The following H2AP variants were observed in gnomAD, a reference collection of about 807,000 sequenced individuals.
H2AP encodes the protein H2A.P histone.
For synonymous variants in H2AP, 36 were observed against 35.2 expected (o/e 1.02, Z -0.08); for missense variants, 108 against 97.4 (o/e 1.11, Z -0.46).
Position 37,991,091 on chromosome X carries a change from T to C in H2AP, c.252T>C (p.Asp84=), listed in dbSNP as rs1477760407. ...NNGSMRNTSQ[D]REREVDNNRE... is the part of the protein sequence containing the mutation. ...GCAGTATGCGCAACACTTCACAAGATAGGGAGAGAGAAGTGGACAACAACC... is the reference window on the plus strand; with the variant it reads ...GCAGTATGCGCAACACTTCACAAGACAGGGAGAGAGAAGTGGACAACAACC... The change falls in exon 1 of 1, where the codon GAT becomes GAC. Residue 84 remains aspartate, a synonymous_variant. Coordinates refer to ENST00000341016, the MANE Select transcript of H2AP (RefSeq NM_012274.2). 5.8e-6 allele frequency: 7 copies of C among 1,210,784 alleles called. No homozygotes were observed. Among genetic ancestry groups the C allele is most frequent in the Non-Finnish European group, 7.8e-6 (7 of 895,253 alleles).
In H2AP at chrX:37,991,220, A is replaced by C. The variant is rs757134936; in HGVS notation, c.*27A>C. 7 of 1,192,609 alleles carry C rather than the reference A, an allele frequency of 5.9e-6. No individual in the cohort carries two copies. The Admixed American group carries it at 1.4e-4, about 23-fold the overall frequency. Reference sequence around the variant, plus strand: ...GACTGGGTCCCAGAGCCTTGAAGGGAACCTCACAGGCTTAGCCAGGGCAAA... The same window carrying C: ...GACTGGGTCCCAGAGCCTTGAAGGGCACCTCACAGGCTTAGCCAGGGCAAA... On this transcript the variant is annotated 3_prime_UTR_variant, in exon 1 of 1. Coordinates refer to ENST00000341016, the MANE Select transcript of H2AP (RefSeq NM_012274.2).
chrX:37,991,303 G>T lies in H2AP; in HGVS notation c.*110G>T. The stretch of plus-strand genomic sequence containing the variant: ...TCATCAACAAGTGCTATTAAAGGAT[G>T]TAAATCCATGAGTATGTTTCTGACT... On this transcript the variant is annotated 3_prime_UTR_variant, in exon 1 of 1. Coordinates refer to ENST00000341016, the MANE Select transcript of H2AP (RefSeq NM_012274.2). 4.6e-6 allele frequency: 5 copies of T among 1,078,505 alleles called. No individual in the cohort carries two copies. Among genetic ancestry groups the T allele is most frequent in the Non-Finnish European group, 6.1e-6 (5 of 816,991 alleles). The allele number at this position is 1,078,505 out of a possible 1,213,427, so 88.9% of individuals were successfully genotyped here.
At position 37,991,242 on chromosome X, in the gene H2AP, C is replaced by CAAAAAAAAAAA; in HGVS notation, c.*54_*55insAAAAAAAAAAA. The CAAAAAAAAAAA allele has an allele frequency of 1.7e-6, 2 of 1,160,933 alleles. No individual in the cohort carries two copies. The highest frequency in any genetic ancestry group is 5.3e-5 in the Admixed American group (2 of 37,744). On this transcript the variant is annotated 3_prime_UTR_variant, in exon 1 of 1. Coordinates refer to ENST00000341016, the MANE Select transcript of H2AP (RefSeq NM_012274.2). ...GGGAACCTCACAGGCTTAGCCAGGG[C>CAAAAAAAAAAA]AAAAATGTGTCACAGCTGAGGAATA... is the stretch of plus-strand genomic sequence containing the variant.
Position 37,991,078 on chromosome X carries a change from A to G in H2AP, c.239A>G (p.Asn80Ser). The G allele has an allele frequency of 8.3e-7, 1 of 1,211,366 alleles. No homozygotes were observed. The highest frequency in any genetic ancestry group is 1.1e-6 in the Non-Finnish European group (1 of 895,385). ...LEASNNGSMR[N>S]TSQDREREVD... The stretch of plus-strand genomic sequence containing the variant: ...GCCAGCAACAATGGCAGTATGCGCA[A>G]CACTTCACAAGATAGGGAGAGAGAA... Residue 80 changes from asparagine (N) to serine (S), a missense_variant, in exon 1 of 1, where the codon AAC becomes AGC. By Grantham distance (46) the Asn-to-Ser change is conservative. Coordinates refer to ENST00000341016, the MANE Select transcript of H2AP (RefSeq NM_012274.2).
chrX:37,990,787 A>G lies in H2AP; in HGVS notation c.-53A>G. 2 of 1,146,011 alleles carry G rather than the reference A, an allele frequency of 1.7e-6. No individual in the cohort carries two copies. Among genetic ancestry groups the G allele is most frequent in the Non-Finnish European group, 1.2e-6 (1 of 862,067 alleles). The allele number at this position is 1,146,011 out of a possible 1,213,427, so 94.4% of individuals were successfully genotyped here. A position where few individuals can be genotyped will look rare whatever the true frequency, so the allele number is the denominator to read the frequency against. ...TAAGCACTAGTGTCCTCAGAGACCT[A>G]CTTGAGCTAGAGAATCAAGCAGAGC... On this transcript the variant is annotated 5_prime_UTR_variant, in exon 1 of 1. Transcript: ENST00000341016.
At position 37,990,982 on chromosome X, in the gene H2AP, C is replaced by T. The variant is rs1465106743; in HGVS notation, c.143C>T (p.Ser48Phe). The T allele has an allele frequency of 2.5e-6, 3 of 1,210,292 alleles. No individual in the cohort carries two copies. The highest frequency in any genetic ancestry group is 3.5e-5 in the African/African-American group (2 of 57,183). ...CGAGACGTCCAAAGCCAGAGTTCCT[C>T]CACAATAAATACCCTCCTTACCTTG... ...DERDVQSQSS[S>F]TINTLLTLLD... The change falls in exon 1 of 1, where the codon TCC becomes TTC. Residue 48 changes from serine to phenylalanine, a missense_variant. By Grantham distance (155) the Ser-to-Phe change is radical. Coordinates refer to ENST00000341016, the MANE Select transcript of H2AP (RefSeq NM_012274.2).
rs1470148072 is a variant in H2AP at position 37,991,307 on chromosome X, A to G, written c.*114A>G. On this transcript the variant is annotated 3_prime_UTR_variant, in exon 1 of 1. Coordinates refer to ENST00000341016, the MANE Select transcript of H2AP (RefSeq NM_012274.2). Reference sequence around the variant, plus strand: ...CAACAAGTGCTATTAAAGGATGTAAATCCATGAGTATGTTTCTGACTCCTC... The same window carrying G: ...CAACAAGTGCTATTAAAGGATGTAAGTCCATGAGTATGTTTCTGACTCCTC... 3.8e-5 allele frequency: 41 copies of G among 1,067,786 alleles called. No homozygotes were observed. The highest frequency in any genetic ancestry group is 4.9e-5 in the Non-Finnish European group (40 of 809,576). The allele number at this position is 1,067,786 out of a possible 1,213,427, so 88.0% of individuals were successfully genotyped here. A position where few individuals can be genotyped will look rare whatever the true frequency, so the allele number is the denominator to read the frequency against.
chrX:37,990,958 G>C lies in H2AP; in HGVS notation c.119G>C (p.Arg40Pro). The change falls in exon 1 of 1, where the codon CGA (arginine) becomes CCA (proline). Residue 40 changes from arginine to proline, a missense_variant. By Grantham distance (103) the Arg-to-Pro change is moderately radical. Coordinates refer to ENST00000341016, the MANE Select transcript of H2AP (RefSeq NM_012274.2). ...SFVDRVVQDE[R>P]DVQSQSSSTI... ...GTGGACCGCGTTGTGCAAGATGAAC[G>C]AGACGTCCAAAGCCAGAGTTCCTCC... 1.7e-6 allele frequency: 2 copies of C among 1,211,856 alleles called. No homozygotes were observed. The highest frequency in any genetic ancestry group is 2.2e-6 in the Non-Finnish European group (2 of 895,499).
At position 37,990,921 on chromosome X, in the gene H2AP, C is replaced by T. The variant is rs1933548317; in HGVS notation, c.82C>T (p.Pro28Ser). 1.7e-6 allele frequency: 2 copies of T among 1,211,597 alleles called. No individual in the cohort carries two copies. The highest frequency in any genetic ancestry group is 3.0e-5 in the East Asian group (1 of 33,832). ...QDPSRNELQV[P>S]RSFVDRVVQD... is the part of the protein sequence containing the mutation. ...CCCTTCTAGAAATGAGCTACAGGTCCCTAGGAGCTTCGTGGACCGCGTTGT... is the reference window on the plus strand; with the variant it reads ...CCCTTCTAGAAATGAGCTACAGGTCTCTAGGAGCTTCGTGGACCGCGTTGT... Residue 28 changes from proline to serine, a missense_variant, in exon 1 of 1, where the codon CCT becomes TCT. Transcript: ENST00000341016.
Position 37,991,262 on chromosome X carries a change from G to A in H2AP, c.*69G>A. The stretch of plus-strand genomic sequence containing the variant: ...CAGGGCAAAAATGTGTCACAGCTGA[G>A]GAATATCTGCTGTTGTCATCAACAA... On this transcript the variant is annotated 3_prime_UTR_variant, in exon 1 of 1. Coordinates refer to ENST00000341016, the MANE Select transcript of H2AP (RefSeq NM_012274.2). The A allele has an allele frequency of 8.8e-7, 1 of 1,140,631 alleles. No individual in the cohort carries two copies. The highest frequency in any genetic ancestry group is 1.2e-6 in the Non-Finnish European group (1 of 857,453). The allele number at this position is 1,140,631 out of a possible 1,213,427, so 94.0% of individuals were successfully genotyped here.
rs781203861 is a variant in H2AP at position 37,991,075 on chromosome X, G to T, written c.236G>T (p.Arg79Leu). 7 of 1,209,432 alleles carry T rather than the reference G, an allele frequency of 5.8e-6. No individual in the cohort carries two copies. The highest frequency in any genetic ancestry group is 3.0e-5 in the East Asian group (1 of 33,739). The stretch of plus-strand genomic sequence containing the variant: ...GAGGCCAGCAACAATGGCAGTATGC[G>T]CAACACTTCACAAGATAGGGAGAGA... Reference protein sequence around the residue: ...GLEASNNGSMRNTSQDREREV... With the variant: ...GLEASNNGSMLNTSQDREREV... Residue 79 changes from arginine to leucine, a missense_variant, in exon 1 of 1, where the codon CGC (arginine) becomes CTC (leucine). Arg to Leu is a moderately radical substitution (Grantham distance 102, BLOSUM62 -2). Transcript: ENST00000341016.
Position 37,990,853 on chromosome X carries a change from A to T in H2AP, c.14A>T (p.Lys5Met). Reference protein sequence around the residue: MSEKKNCKNSSTNNN... With the variant: MSEKMNCKNSSTNNN... ...CCAGCAAACATCATGTCAGAGAAAA[A>T]GAACTGTAAGAACTCGTCTACAAAT... Residue 5 changes from lysine to methionine, a missense_variant, in exon 1 of 1, where the codon AAG becomes ATG. Coordinates refer to ENST00000341016, the MANE Select transcript of H2AP (RefSeq NM_012274.2). 1.7e-6 allele frequency: 2 copies of T among 1,200,457 alleles called. No homozygotes were observed. Among genetic ancestry groups the T allele is most frequent in the Non-Finnish European group, 2.2e-6 (2 of 889,525 alleles).
In H2AP at chrX:37,990,782, G is replaced by A. The variant is rs1234399561; in HGVS notation, c.-58G>A. The A allele has an allele frequency of 1.8e-6, 2 of 1,139,495 alleles. No homozygotes were observed. Among genetic ancestry groups the A allele is most frequent in the Non-Finnish European group, 2.3e-6 (2 of 859,786 alleles). 93.9% of individuals were successfully genotyped at this position (1,139,495 alleles called of 1,213,427 possible). A position where few individuals can be genotyped will look rare whatever the true frequency, so the allele number is the denominator to read the frequency against. ...AGGACTAAGCACTAGTGTCCTCAGA[G>A]ACCTACTTGAGCTAGAGAATCAAGC... On this transcript the variant is annotated 5_prime_UTR_variant, in exon 1 of 1. Coordinates refer to ENST00000341016, the MANE Select transcript of H2AP (RefSeq NM_012274.2).
chrX:37,991,239 G>C lies in H2AP; in HGVS notation c.*46G>C, dbSNP rs1235191409. 1 of 1,163,917 alleles carries C rather than the reference G, an allele frequency of 8.6e-7. No homozygotes were observed. Among genetic ancestry groups the C allele is most frequent in the East Asian group, 3.0e-5 (1 of 32,878 alleles). ...GAAGGGAACCTCACAGGCTTAGCCA[G>C]GGCAAAAATGTGTCACAGCTGAGGA... On this transcript the variant is annotated 3_prime_UTR_variant, in exon 1 of 1. Transcript: ENST00000341016.
At position 37,990,941 on chromosome X, in the gene H2AP, C is replaced by T. The variant is rs369668713; in HGVS notation, c.102C>T (p.Arg34=). 7.7e-5 allele frequency: 93 copies of T among 1,210,109 alleles called. 1 individual carries two copies. The African/African-American group carries it at 1.3e-3, about 16-fold the overall frequency. ...ELQVPRSFVD[R]VVQDERDVQS... Reference sequence around the variant, plus strand: ...AGGTCCCTAGGAGCTTCGTGGACCGCGTTGTGCAAGATGAACGAGACGTCC... The same window carrying T: ...AGGTCCCTAGGAGCTTCGTGGACCGTGTTGTGCAAGATGAACGAGACGTCC... Residue 34 remains arginine, a synonymous_variant, in exon 1 of 1, where the codon CGC becomes CGT. Transcript: ENST00000341016.
In H2AP at chrX:37,990,787, A is replaced by C. The variant is rs763432533; in HGVS notation, c.-53A>C. The stretch of plus-strand genomic sequence containing the variant: ...TAAGCACTAGTGTCCTCAGAGACCT[A>C]CTTGAGCTAGAGAATCAAGCAGAGC... On this transcript the variant is annotated 5_prime_UTR_variant, in exon 1 of 1. Transcript: ENST00000341016. The C allele has an allele frequency of 3.6e-4, 415 of 1,143,961 alleles. No individual in the cohort carries two copies. The highest frequency in any genetic ancestry group is 1.6e-3 in the South Asian group (79 of 48,663). 94.3% of individuals were successfully genotyped at this position (1,143,961 alleles called of 1,213,427 possible).
chrX:37,991,038 C>A lies in H2AP; in HGVS notation c.199C>A (p.Arg67=), dbSNP rs763415603. 8.3e-7 allele frequency: 1 copy of A among 1,211,655 alleles called. No individual in the cohort carries two copies. Among genetic ancestry groups the A allele is most frequent in the Non-Finnish European group, 1.1e-6 (1 of 895,481 alleles). Residue 67 remains arginine (R), a synonymous_variant, in exon 1 of 1, where the codon CGG becomes AGG. Transcript: ENST00000341016. ...LDCLADYIME[R]VGLEASNNGS... ...TTGCCTTGCTGACTACATCATGGAG[C>A]GGGTAGGCTTGGAGGCCAGCAACAA...
In H2AP at chrX:37,990,854, G is replaced by C; in HGVS notation, c.15G>C (p.Lys5Asn). 1 of 1,201,150 alleles carries C rather than the reference G, an allele frequency of 8.3e-7. No homozygotes were observed. MSEK[K>N]NCKNSSTNNN... is the part of the protein sequence containing the mutation. ...CAGCAAACATCATGTCAGAGAAAAA[G>C]AACTGTAAGAACTCGTCTACAAATA... The change falls in exon 1 of 1, where the codon AAG (lysine) becomes AAC (asparagine). Residue 5 changes from lysine (K) to asparagine (N), a missense_variant. Physicochemically the swap from Lys to Asn is moderately conservative, Grantham distance 94. Transcript: ENST00000341016.
At position 37,991,136 on chromosome X, in the gene H2AP, G is replaced by C. The variant is rs1320340557; in HGVS notation, c.297G>C (p.Glu99Asp). 5 of 1,209,574 alleles carry C rather than the reference G, an allele frequency of 4.1e-6. No individual in the cohort carries two copies. The highest frequency in any genetic ancestry group is 3.5e-5 in the South Asian group (2 of 56,733). ...VDNNREPHSAESDVTRFLFDE... is the reference protein window; with the variant it reads ...VDNNREPHSADSDVTRFLFDE... ...ACAACCGTGAGCCCCACAGCGCTGA[G>C]AGTGATGTGACTCGCTTTTTGTTTG... The change falls in exon 1 of 1, where the codon GAG (glutamate) becomes GAC (aspartate). Residue 99 changes from glutamate (E) to aspartate (D), a missense_variant. By Grantham distance (45) the Glu-to-Asp change is conservative. Transcript: ENST00000341016.
Sources: allele counts gnomAD v4.1 joint callset, GRCh38; gene constraint gnomAD v4.1.1; transcripts MANE v1.5; gene names NCBI Gene and HGNC (gene_info 2026-07-23, HGNC 2026-07-21).